Variants in CMBL observed in about 807,000 individuals in gnomAD.
CMBL encodes carboxymethylenebutenolidase homolog, also known as carboxymethylenebutenolidase homolog (Pseudomonas).
A neutral mutation model predicts 28.7 loss-of-function variants in CMBL; 17 were observed. The observed-to-expected ratio is 0.59, with a 90% confidence interval of 0.41 to 0.89. The LOEUF (loss-of-function observed/expected upper bound fraction) is 0.89. CMBL is among the 40% of genes least tolerant of loss of function. CMBL has a pLI of 0.00. For synonymous variants in CMBL, 106 were observed against 101.6 expected (o/e 1.04, Z -0.26); for missense variants, 310 against 298.5 (o/e 1.04, Z -0.28).
At position 10,286,383 on chromosome 5, in the gene CMBL, G is replaced by C. The variant is rs1746604273; in HGVS notation, c.437C>G (p.Ser146Ter). 3.7e-6 allele frequency: 6 copies of C among 1,614,018 alleles called. No homozygotes were observed. Among genetic ancestry groups the C allele is most frequent in the Non-Finnish European group, 5.1e-6 (6 of 1,179,966 alleles). The change falls in exon 4 of 6, where the codon TCA (serine) becomes TGA (stop). Residue 146 changes from serine (S) to a stop codon, truncating the protein, a stop_gained. Coordinates refer to ENST00000296658, the MANE Select transcript of CMBL (RefSeq NM_138809.4). LOFTEE classifies it high-confidence loss of function. ...GACGGACACCCCTGCCCTGAATTCT[G>C]AGTATTTCATCATCAAATGATGGAC... ...TAVHHLMMKY[S>*]EFRAGVSVYG...
intron 5 of CMBL, among the ~76,000 whole-genome samples, chr5:10,281,407 G>T (rs1221194166): frequency 6.6e-6 from 1 of 152,030 alleles, no homozygotes; most frequent in Admixed American, 6.6e-5. Context: ...TTGTGGAGAA[G>T]GGATCTAGCT....
intron 1 of CMBL, among the ~76,000 whole-genome samples, chr5:10,293,428 TG>T (rs1746759744): frequency 6.6e-6 from 1 of 152,184 alleles, no homozygotes; most frequent in South Asian, 2.1e-4. Context: ...GCTGGCTCTC[TG>T]GGGTCTCCAT....
In CMBL at chr5:10,280,468, C is replaced by G. The variant is rs367637642; in HGVS notation, c.723G>C (p.Leu241=). The change falls in exon 6 of 6, where the codon CTG becomes CTC. Residue 241 remains leucine (L), a synonymous_variant. Transcript: ENST00000296658. Reference sequence around the variant, plus strand: ...TTGATTCTTGCTACATGTACTTGTTCAGCCACTCAATTAAATTCCTTCTGG... The same window carrying G: ...TTGATTCTTGCTACATGTACTTGTTGAGCCACTCAATTAAATTCCTTCTGG... ...DEARRNLIEW[L]NKYM 3.3e-4 allele frequency: 523 copies of G among 1,601,532 alleles called. No individual in the cohort carries two copies. Among genetic ancestry groups the G allele is most frequent in the Non-Finnish European group, 4.3e-4 (506 of 1,170,584 alleles).
chr5:10,291,637 G>T (rs1328400248), intron 1 of CMBL, among the ~76,000 whole-genome samples: 4 of 150,322 alleles, frequency 2.7e-5, no homozygotes, highest in Non-Finnish European at 5.9e-5. Flanking sequence ...CTCCAGCCTG[G>T]GGGACAGAGC....
intron 1 of CMBL, among the ~76,000 whole-genome samples, chr5:10,300,644 T>A (rs989280866): frequency 1.6e-4 from 24 of 151,568 alleles, no homozygotes; most frequent in Non-Finnish European, 2.9e-4. Context: ...TACAAAAAAA[T>A]TTTTTTAATT....
rs1746684454 is a variant in CMBL, at chr5:10,290,298, G to A, written c.215+250C>T. On this transcript the variant is annotated intron_variant, in intron 2 of 5. Coordinates refer to ENST00000296658, the MANE Select transcript of CMBL (RefSeq NM_138809.4). ...CCCACACGGGAAAAGAATTCTCAAT[G>A]TCCAGCAAGTCTAAAGGCCAGGTAC... The A allele has an allele frequency of 3.6e-5, 18 of 504,650 alleles. No individual in the cohort carries two copies. In the South Asian group the frequency reaches 3.8e-4, roughly 11 times the overall value. 31.3% of individuals were successfully genotyped at this position (504,650 alleles called of 1,614,324 possible).
In CMBL at chr5:10,282,193, T is replaced by A; in HGVS notation, c.558+4A>T. 1 of 1,595,010 alleles carries A rather than the reference T, an allele frequency of 6.3e-7. No homozygotes were observed. The highest frequency in any genetic ancestry group is 1.1e-5 in the South Asian group (1 of 90,714). On this transcript the variant is annotated splice_donor_region_variant and intron_variant, in intron 5 of 5. Coordinates refer to ENST00000296658, the MANE Select transcript of CMBL (RefSeq NM_138809.4). ...AAATACGAAGAGAAAAGATGCCAACTTACGTCCTTGAGTGGAATCACAACA... is the reference window on the plus strand; with the variant it reads ...AAATACGAAGAGAAAAGATGCCAACATACGTCCTTGAGTGGAATCACAACA...
Position 10,280,508 on chromosome 5 carries a change from G to A in CMBL, c.683C>T (p.Pro228Leu). 1 of 1,613,496 alleles carries A rather than the reference G, an allele frequency of 6.2e-7. No individual in the cohort carries two copies. The highest frequency in any genetic ancestry group is 1.1e-5 in the South Asian group (1 of 91,014). The change falls in exon 6 of 6, where the codon CCC becomes CTC. Residue 228 changes from proline (P) to leucine (L), a missense_variant. By Grantham distance (98) the Pro-to-Leu change is moderately conservative. Coordinates refer to ENST00000296658, the MANE Select transcript of CMBL (RefSeq NM_138809.4). The part of the protein sequence containing the change: ...KREDCSPADK[P>L]YIDEARRNLI... ...ATTCCTTCTGGCCTCGTCAATGTAG[G>A]GCTTGTCTGCAGGTGAGCAATCTTC...
At position 10,279,962 on chromosome 5, in the gene CMBL, G is replaced by C. The variant is rs903841263; in HGVS notation, c.*491C>G. Reference sequence around the variant, plus strand: ...TTTACTTATTTATTTTTGAGACAGGGTCTCACTCTGCTGCCCAGGCTAGAG... The same window carrying C: ...TTTACTTATTTATTTTTGAGACAGGCTCTCACTCTGCTGCCCAGGCTAGAG... On this transcript the variant is annotated 3_prime_UTR_variant, in exon 6 of 6. Transcript: ENST00000296658. 6.6e-6 allele frequency: 1 copy of C among 152,084 alleles called. No individual in the cohort carries two copies. Among genetic ancestry groups the C allele is most frequent in the Non-Finnish European group, 1.5e-5 (1 of 68,104 alleles). 9.4% of individuals were successfully genotyped at this position (152,084 alleles called of 1,614,324 possible).
chr5:10,302,191 CTG>C (rs1746913163), intron 1 of CMBL, among the ~76,000 whole-genome samples: 1 of 152,230 alleles, frequency 6.6e-6, no homozygotes, highest in Non-Finnish European at 1.5e-5. Context: ...TCTCAACTAA[CTG>C]TACTATATTT....
At position 10,280,427 on chromosome 5, in the gene CMBL, C is replaced by A. The variant is rs1224605748; in HGVS notation, c.*26G>T. The A allele has an allele frequency of 1.9e-6, 3 of 1,540,802 alleles. No individual in the cohort carries two copies. Among genetic ancestry groups the A allele is most frequent in the Non-Finnish European group, 1.8e-6 (2 of 1,131,912 alleles). ...AGCAAATTTTGGGATGAAAGCTATT[C>A]TAGGAAGGCTTGCCCTTGATTCTTG... On this transcript the variant is annotated 3_prime_UTR_variant, in exon 6 of 6. Coordinates refer to ENST00000296658, the MANE Select transcript of CMBL (RefSeq NM_138809.4).
At position 10,279,053 on chromosome 5, in the gene CMBL, T is replaced by C. The variant is rs1413118069; in HGVS notation, c.*1400A>G. On this transcript the variant is annotated 3_prime_UTR_variant, in exon 6 of 6. Transcript: ENST00000296658. ...GAAAAAAACTACAACATCAAGTCACTTGCCCAAAGTCACATGTACGCACCC... is the reference window on the plus strand; with the variant it reads ...GAAAAAAACTACAACATCAAGTCACCTGCCCAAAGTCACATGTACGCACCC... 2.0e-5 allele frequency among the ~76,000 whole-genome samples: 3 copies of C among 152,156 alleles called. No individual in the cohort carries two copies. Among genetic ancestry groups the C allele is most frequent in the African/African-American group, 4.8e-5 (2 of 41,426 alleles).
intron 1 of CMBL, among the ~76,000 whole-genome samples, chr5:10,302,164 G>C (rs1355988948): frequency 6.6e-6 from 1 of 152,170 alleles, no homozygotes; most frequent in East Asian, 1.9e-4. Context: ...GCAAGTCTCA[G>C]GGAACATACC....
intron 3 of CMBL, among the ~76,000 whole-genome samples, chr5:10,286,796 G>A (rs1746612144): frequency 6.6e-6 from 1 of 152,188 alleles, no homozygotes; most frequent in African/African-American, 2.4e-5. Flanking sequence ...CACAGCCTGG[G>A]GATGAAGGCC....
Position 10,280,037 on chromosome 5 carries a change from C to T in CMBL, c.*416G>A, listed in dbSNP as rs1367919411. 1 of 155,258 alleles carries T rather than the reference C, an allele frequency of 6.4e-6. No individual in the cohort carries two copies. Among genetic ancestry groups the T allele is most frequent in the African/African-American group, 2.4e-5 (1 of 41,466 alleles). The allele number at this position is 155,258 out of a possible 1,614,324, so 9.6% of individuals were successfully genotyped here. ...CACTGCAGTCTCCACCTCCTGGGTT[C>T]TATTGATTCTTGTGCCTCAGCCTCC... On this transcript the variant is annotated 3_prime_UTR_variant, in exon 6 of 6. Transcript: ENST00000296658.
In CMBL at chr5:10,288,489, C is replaced by T. The variant is rs1385220844; in HGVS notation, c.256G>A (p.Asp86Asn). 1.2e-6 allele frequency: 2 copies of T among 1,613,892 alleles called. No homozygotes were observed. The highest frequency in any genetic ancestry group is 1.7e-6 in the Non-Finnish European group (2 of 1,179,920). The change falls in exon 3 of 6, where the codon GAC becomes AAC. Residue 86 changes from aspartate (D) to asparagine (N), a missense_variant. Transcript: ENST00000296658. ...PDFFVGQEPWDPSGDWSIFPE... is the reference protein window; with the variant it reads ...PDFFVGQEPWNPSGDWSIFPE... ...AAGATAGACCAGTCGCCAGAGGGGTCCCAAGGCTCTTGCCCTACAAAGAAG... is the reference window on the plus strand; with the variant it reads ...AAGATAGACCAGTCGCCAGAGGGGTTCCAAGGCTCTTGCCCTACAAAGAAG...
intron 1 of CMBL, chr5:10,307,410 G>A (rs1300546528): frequency 6.6e-6 from 1 of 152,204 alleles, no homozygotes; most frequent in Non-Finnish European, 1.5e-5. Flanking sequence ...TGTAAACAGC[G>A]GCTGCTTCGG....
intron 1 of CMBL, among the ~76,000 whole-genome samples, chr5:10,303,203 G>C (rs1746942037): frequency 6.6e-6 from 1 of 152,106 alleles, no homozygotes; most frequent in African/African-American, 2.4e-5. Context: ...CCCGATCTTT[G>C]AGTTGTCCCA....
chr5:10,286,973 C>G (rs1417612228), intron 3 of CMBL, among the ~76,000 whole-genome samples: 5 of 152,208 alleles, frequency 3.3e-5, no homozygotes, highest in Non-Finnish European at 7.3e-5. Flanking sequence ...TGACTTCACA[C>G]GTTCACTCTC....
Sources: allele counts gnomAD v4.1 joint callset (sites outside exome capture counted in the v4.1 genomes callset), GRCh38; gene constraint gnomAD v4.1.1; transcripts MANE v1.5; gene names NCBI Gene and HGNC (gene_info 2026-07-23, HGNC 2026-07-21).